Variants in SOX5 observed in about 807,000 individuals in gnomAD.
SOX5 encodes SRY-box transcription factor 5, also known as transcription factor SOX-5.
Under a neutral mutation model 92.0 loss-of-function variants are expected in SOX5, and 9 were observed. That is an observed-to-expected ratio of 0.10 (90% CI 0.06 to 0.17). The LOEUF (loss-of-function observed/expected upper bound fraction) is 0.17, where lower values mean the gene tolerates loss of function less well. SOX5 is among the 10% of genes least tolerant of loss of function. SOX5 has a pLI of 1.00. For synonymous variants in SOX5, 344 were observed against 336.3 expected (o/e 1.02, Z -0.25); for missense variants, 642 against 944.5 (o/e 0.68, Z 4.20).
chr12:24,241,926 T>G (rs1366021063), intron 3 of SOX5, among the ~76,000 whole-genome samples: 1 of 152,206 alleles, frequency 6.6e-6, no homozygotes, highest in African/African-American at 2.4e-5. Flanking sequence ...TTTTAATTTT[T>G]AAGTGAATTT....
At chr12:24,457,092 T>A (rs894928296) in intron 1 of SOX5, among the ~76,000 whole-genome samples, 2 of 152,226 alleles carry the variant, frequency 1.3e-5, no homozygotes, top group African/African-American at 4.8e-5. Context: ...AATATAATAC[T>A]ATTAAAGCTC....
chr12:23,689,123 T>A (rs1329519545), intron 6 of SOX5, among the ~76,000 whole-genome samples: 1 of 152,156 alleles, frequency 6.6e-6, no homozygotes, highest in Non-Finnish European at 1.5e-5. Context: ...TCAATTTTTT[T>A]AGGCCATTTA....
chr12:24,541,102 C>A (rs1390916619), intron 1 of SOX5, among the ~76,000 whole-genome samples: 1 of 152,198 alleles, frequency 6.6e-6, no homozygotes, highest in Non-Finnish European at 1.5e-5. Flanking sequence ...CAGTCAAAAT[C>A]TGGCAAGAGC....
At chr12:24,331,577 T>A (rs1810065) in intron 2 of SOX5, among the ~76,000 whole-genome samples, 16 of 151,768 alleles carry the variant, frequency 1.1e-4, no homozygotes, top group African/African-American at 3.9e-4. Context: ...AGGCCGGGCG[T>A]GGTGGCTCAC....
chr12:24,038,120 G>A (rs966328517), intron 4 of SOX5, among the ~76,000 whole-genome samples: 3 of 152,132 alleles, frequency 2.0e-5, no homozygotes, highest in Admixed American at 6.5e-5. Context: ...AGACTCAAAA[G>A]CAAAATCCTA....
At chr12:24,083,481 G>A (rs776119575) in intron 4 of SOX5, among the ~76,000 whole-genome samples, 7 of 151,974 alleles carry the variant, frequency 4.6e-5, no homozygotes, top group Non-Finnish European at 8.8e-5. Context: ...GTTTATAATC[G>A]GCTGGGAAAA....
chr12:23,540,079 T>A (rs1374351368), intron 13 of SOX5, among the ~76,000 whole-genome samples: 1 of 145,678 alleles, frequency 6.9e-6, no homozygotes. Flanking sequence ...AGGAAAATAT[T>A]TTGGATAAAC....
At chr12:23,908,896 A>C (rs1222559749) in intron 1 of SOX5, among the ~76,000 whole-genome samples, 1 of 151,534 alleles carries the variant, frequency 6.6e-6, no homozygotes, top group Non-Finnish European at 1.5e-5. Context: ...TGACCTCTAA[A>C]CTCATTTTAT....
intron 12 of SOX5, among the ~76,000 whole-genome samples, chr12:23,544,159 G>A (rs1270497036): frequency 6.6e-6 from 1 of 152,124 alleles, no homozygotes; most frequent in Non-Finnish European, 1.5e-5. Context: ...AGAGTCCCAT[G>A]GACAGTCACA....
chr12:23,675,393 C>A lies in SOX5; in HGVS notation c.811-9829G>T, dbSNP rs568233351. Among the ~76,000 whole-genome samples, 202 of 152,136 alleles carry A rather than the reference C, an allele frequency of 1.3e-3. 2 individuals carry two copies. The South Asian group carries it at 0.016, about 12-fold the overall frequency. On this transcript the variant is annotated intron_variant, in intron 6 of 14. Transcript: ENST00000451604. ...CACCTGACTTAGCCCAGAAATAACC[C>A]CAAGCCTACAAGGTCAACTAATTTT...
intron 2 of SOX5, among the ~76,000 whole-genome samples, chr12:24,288,168 T>C (rs1238711312): frequency 6.6e-6 from 1 of 152,126 alleles, no homozygotes; most frequent in Non-Finnish European, 1.5e-5. Flanking sequence ...AATATTTTTA[T>C]TGTGATGACT....
chr12:23,909,166 G>C (rs1357272712), intron 1 of SOX5, among the ~76,000 whole-genome samples: 1 of 151,890 alleles, frequency 6.6e-6, no homozygotes, highest in African/African-American at 2.4e-5. Context: ...TTTCAAACAG[G>C]GCTAACAGTA....
intron 1 of SOX5, among the ~76,000 whole-genome samples, chr12:24,431,644 C>T (rs576896759): frequency 2.0e-5 from 3 of 152,050 alleles, no homozygotes; most frequent in East Asian, 1.9e-4. Flanking sequence ...TAAATTGCAC[C>T]GTAGTTCTCT....
intron 1 of SOX5, among the ~76,000 whole-genome samples, chr12:24,478,452 G>A (rs1043204447): frequency 6.6e-6 from 1 of 152,080 alleles, no homozygotes; most frequent in African/African-American, 2.4e-5. Flanking sequence ...CAGATTTCAT[G>A]GTTTATAAAA....
intron 6 of SOX5, among the ~76,000 whole-genome samples, chr12:23,733,143 G>A (rs907050494): frequency 2.0e-5 from 3 of 151,994 alleles, no homozygotes; most frequent in Admixed American, 2.0e-4. Context: ...ATCTATTTTT[G>A]CCATTCTGTT....
chr12:24,197,319 G>T (rs1957100440), intron 4 of SOX5, among the ~76,000 whole-genome samples: 1 of 152,054 alleles, frequency 6.6e-6, no homozygotes. Flanking sequence ...TATATGATGT[G>T]GGCCTATATG....
intron 4 of SOX5, among the ~76,000 whole-genome samples, chr12:24,192,848 G>C (rs993698284): frequency 6.6e-6 from 1 of 152,108 alleles, no homozygotes; most frequent in Non-Finnish European, 1.5e-5. Flanking sequence ...AGGAGAGCAG[G>C]TATGTTTGAA....
chr12:24,551,594 C>T (rs1441919904), intron 1 of SOX5, among the ~76,000 whole-genome samples: 3 of 152,150 alleles, frequency 2.0e-5, no homozygotes, highest in Non-Finnish European at 4.4e-5. Context: ...ACAGATCACA[C>T]GGAGAACAAA....
chr12:24,155,403 ACTT>A (rs1351999171), intron 4 of SOX5, among the ~76,000 whole-genome samples: 6 of 152,068 alleles, frequency 3.9e-5, no homozygotes, highest in East Asian at 1.9e-4. Context: ...TCATTATCAA[ACTT>A]CTTATTTTTT....
Sources: allele counts gnomAD v4.1 joint callset (sites outside exome capture counted in the v4.1 genomes callset), GRCh38; gene constraint gnomAD v4.1.1; transcripts MANE v1.5; gene names NCBI Gene and HGNC (gene_info 2026-07-23, HGNC 2026-07-21).